The following OCIAD1 variants were observed in gnomAD, a reference collection of about 807,000 sequenced individuals.
OCIAD1 encodes the protein OCIA domain-containing protein 1.
A neutral mutation model predicts 38.9 loss-of-function variants in OCIAD1; 29 were observed. That is an observed-to-expected ratio of 0.74 (90% CI 0.55 to 1.02). The LOEUF is 1.02. OCIAD1 is among the 50% of genes least tolerant of loss of function. The probability of loss-of-function intolerance (pLI) is 0.00; values close to 1 mark genes in which losing one functional copy is unlikely to be tolerated. For missense variants in OCIAD1, 288 were observed against 289.6 expected, an observed-to-expected ratio of 0.99 and a Z score of 0.04; for synonymous variants, 110 against 92.0, an observed-to-expected ratio of 1.20 and a Z score of -1.12.
At chr4:48,848,375 G>A in intron 4 of OCIAD1, 24 bp from the exon 5 acceptor site, 1 of 1,263,694 alleles carries the variant, frequency 7.9e-7, no homozygotes, top group Non-Finnish European at 1.1e-6. Flanking sequence ...GTGTTACTCA[G>A]AAATACTTAA....
chr4:48,849,574 TTC>T (rs1779250658), intron 5 of OCIAD1, among the ~76,000 whole-genome samples: 2 of 152,214 alleles, frequency 1.3e-5, no homozygotes, highest in African/African-American at 2.4e-5. Context: ...TGTGATCTAG[TTC>T]TGTTTATTTA....
At chr4:48,842,522 C>T (rs1318180805) in intron 3 of OCIAD1, 114 bp from the exon 4 acceptor site, 2 of 687,752 alleles carry the variant, frequency 2.9e-6, no homozygotes, top group East Asian at 2.7e-5. Context: ...TTTTAAAGGT[C>T]TTAGTTATGC....
chr4:48,852,011 A>G (rs1384501953), intron 7 of OCIAD1, 36 bp downstream of exon 7: 6 of 1,531,776 alleles, frequency 3.9e-6, no homozygotes, highest in Admixed American at 3.6e-5. Flanking sequence ...TCAACATTTT[A>G]TGGTCCAACG....
chr4:48,842,257 TCTTA>T (rs1398325414), intron 3 of OCIAD1, among the ~76,000 whole-genome samples: 1 of 152,254 alleles, frequency 6.6e-6, no homozygotes, highest in Non-Finnish European at 1.5e-5. Context: ...CAGTAGTGGT[TCTTA>T]CTTGTAACTT....
chr4:48,857,175 T>G, intron 7 of OCIAD1, 38 bp from the exon 8 acceptor site: 1 of 1,364,490 alleles, frequency 7.3e-7, no homozygotes, highest in East Asian at 2.6e-5. Context: ...GTTATACAAA[T>G]CCTTTTATTA....
chr4:48,818,807 G>A (rs1320364111), intron 1 of OCIAD1, among the ~76,000 whole-genome samples: 1 of 152,074 alleles, frequency 6.6e-6, no homozygotes, highest in Non-Finnish European at 1.5e-5. Context: ...AATTGATCAA[G>A]CGGAAGAAAG....
chr4:48,824,893 A>C (rs1404416817), intron 1 of OCIAD1, among the ~76,000 whole-genome samples: 3 of 151,732 alleles, frequency 2.0e-5, no homozygotes, highest in East Asian at 1.9e-4. Context: ...GCACCACTAC[A>C]TCTGGTTAAT....
rs73815373 is a variant in OCIAD1 at position 48,851,755 on chromosome 4, G to T, written c.378-51G>T. 5.7e-4 allele frequency: 586 copies of T among 1,027,276 alleles called. 1 individual carries two copies. In the African/African-American group the frequency reaches 8.7e-3, roughly 15 times the overall value. 63.6% of individuals were successfully genotyped at this position (1,027,276 alleles called of 1,614,324 possible). A position where few individuals can be genotyped will look rare whatever the true frequency, so the allele number is the denominator to read the frequency against. ...AGAAGTTATTTTAACACTTCTTTAA[G>T]ATATAGGCAATGACTCATATTTCTT... On this transcript the variant is annotated intron_variant, in intron 6 of 8. Coordinates refer to ENST00000264312, the MANE Select transcript of OCIAD1 (RefSeq NM_017830.4).
At chr4:48,831,018 C>G (rs1287522513), upstream of OCIAD1, 1 of 180,330 alleles carries the variant, frequency 5.5e-6, no homozygotes, top group Non-Finnish European at 1.2e-5. Context: ...TGCTGGCTCT[C>G]AGACCCGCAG....
chr4:48,812,429 G>A (rs953213551), intron 1 of OCIAD1, among the ~76,000 whole-genome samples: 1 of 150,408 alleles, frequency 6.6e-6, no homozygotes, highest in African/African-American at 2.5e-5. Context: ...CTGAGTCAAA[G>A]TGCACCCCAA....
Position 48,860,873 on chromosome 4 carries a change from C to A in OCIAD1, c.*111C>A. The A allele has an allele frequency of 1.2e-6, 1 of 802,564 alleles. No homozygotes were observed. Among genetic ancestry groups the A allele is most frequent in the Non-Finnish European group, 2.1e-6 (1 of 471,808 alleles). 49.7% of individuals were successfully genotyped at this position (802,564 alleles called of 1,614,324 possible). On this transcript the variant is annotated 3_prime_UTR_variant, in exon 9 of 9. Coordinates refer to ENST00000264312, the MANE Select transcript of OCIAD1 (RefSeq NM_017830.4). ...GCAGTCTTCATAAACACATTTAAAA[C>A]AAGATCCTGGGTTTTTGTGGTTTGA... is the stretch of plus-strand genomic sequence containing the variant.
chr4:48,847,799 G>A (rs1779099681), intron 4 of OCIAD1, among the ~76,000 whole-genome samples: 1 of 152,182 alleles, frequency 6.6e-6, no homozygotes, highest in South Asian at 2.1e-4. Flanking sequence ...TTGCTATCTG[G>A]TGGTAGTCAG....
chr4:48,848,117 G>A (rs1779123550), intron 4 of OCIAD1, among the ~76,000 whole-genome samples: 1 of 151,394 alleles, frequency 6.6e-6, no homozygotes, highest in Non-Finnish European at 1.5e-5. Flanking sequence ...TTTGTTGTTG[G>A]TATAAACAGT....
chr4:48,855,334 CTTA>C (rs1481961732), intron 7 of OCIAD1, among the ~76,000 whole-genome samples: 1 of 152,122 alleles, frequency 6.6e-6, no homozygotes, highest in Non-Finnish European at 1.5e-5. Context: ...TCAGTAATTA[CTTA>C]TTACTAATGA....
At chr4:48,833,082 A>C (rs1777662805) in intron 2 of OCIAD1, among the ~76,000 whole-genome samples, 1 of 152,018 alleles carries the variant, frequency 6.6e-6, no homozygotes, top group South Asian at 2.1e-4. Context: ...GAAACCCCGT[A>C]TCTACTAAAA....
chr4:48,860,067 C>G (rs1453722758), intron 8 of OCIAD1: 1 of 152,240 alleles, frequency 6.6e-6, no homozygotes, highest in Admixed American at 6.6e-5. Flanking sequence ...TATGATTACT[C>G]ACAGACAGAA....
chr4:48,840,804 C>T (rs1579070694), intron 3 of OCIAD1, among the ~76,000 whole-genome samples: 1 of 146,252 alleles, frequency 6.8e-6, no homozygotes, highest in South Asian at 2.1e-4. Context: ...CGAGACCAGC[C>T]TGGGCAACTT....
At chr4:48,819,988 T>C (rs1361268646) in intron 1 of OCIAD1, among the ~76,000 whole-genome samples, 1 of 152,112 alleles carries the variant, frequency 6.6e-6, no homozygotes, top group African/African-American at 2.4e-5. Flanking sequence ...ATTAGACAGA[T>C]CAATGAGACA....
chr4:48,807,183 A>C (rs1195223823), intron 1 of OCIAD1, among the ~76,000 whole-genome samples: 1 of 152,174 alleles, frequency 6.6e-6, no homozygotes, highest in East Asian at 1.9e-4. Flanking sequence ...CTGGGACTAC[A>C]GTGCTTATGA....
Sources: allele counts gnomAD v4.1 joint callset (sites outside exome capture counted in the v4.1 genomes callset), GRCh38; gene constraint gnomAD v4.1.1; transcripts MANE v1.5; gene names NCBI Gene and HGNC (gene_info 2026-07-23, HGNC 2026-07-21).